The following FBXO31 variants were observed in gnomAD, a reference collection of about 807,000 sequenced individuals.
The protein encoded by FBXO31 is F-box only protein 31.
In FBXO31, 24 loss-of-function variants were observed where a neutral mutation model predicts 54.4. That is an observed-to-expected ratio of 0.44 (90% confidence interval 0.32 to 0.62). The LOEUF is 0.62. Among genes scored for constraint, FBXO31 ranks in the 20% least tolerant of loss-of-function variants. FBXO31 has a pLI of 0.05. For synonymous variants in FBXO31, 388 were observed against 335.6 expected, an observed-to-expected ratio of 1.16 and a Z score of -1.71; for missense variants, 665 against 787.1, an observed-to-expected ratio of 0.84 and a Z score of 1.86.
chr16:87,358,130 A>T lies in FBXO31; in HGVS notation c.412+2165T>A, dbSNP rs1191503967. Among the ~76,000 whole-genome samples the T allele has an allele frequency of 1.3e-5, 2 of 152,234 alleles. No individual in the cohort carries two copies. The highest frequency in any genetic ancestry group is 6.5e-5 in the Admixed American group (1 of 15,288). The stretch of plus-strand genomic sequence containing the variant: ...GCAGTAGCTCCTCAATAAACGATAC[A>T]TGTGAAAATGTGCATTAAAGTGATC... On this transcript the variant is annotated intron_variant, in intron 2 of 8. Coordinates refer to ENST00000311635, the MANE Select transcript of FBXO31 (RefSeq NM_024735.5). This position sits in a 1 kb window ranked among gnomAD's most constrained non-coding sequence, Gnocchi z 4.0.
In FBXO31 at chr16:87,327,057, G is replaced by C. The variant is rs1904669488; in HGVS notation, c.*4231C>G. 1 of 152,352 alleles carries C rather than the reference G, an allele frequency of 6.6e-6. No homozygotes were observed. The highest frequency in any genetic ancestry group is 2.4e-5 in the African/African-American group (1 of 41,480). 9.4% of individuals were successfully genotyped at this position (152,352 alleles called of 1,614,324 possible). ...GCACGGGTGCAGGTGGCGGCTGCCA[G>C]GATTGCTCCGGTCCTACCTAGTGGG... On this transcript the variant is annotated 3_prime_UTR_variant, in exon 9 of 9. Coordinates refer to ENST00000311635, the MANE Select transcript of FBXO31 (RefSeq NM_024735.5).
Position 87,336,876 on chromosome 16 carries a change from T to C in FBXO31, c.733-612A>G, listed in dbSNP as rs1905059319. 6.6e-6 allele frequency among the ~76,000 whole-genome samples: 1 copy of C among 152,234 alleles called. No individual in the cohort carries two copies. Among genetic ancestry groups the C allele is most frequent in the South Asian group, 2.1e-4 (1 of 4,834 alleles). ...GCCATCACATGGTGCTGAGGATATT[T>C]CGTGCTTAATGGTTTGATTCTACAC... On this transcript the variant is annotated intron_variant, in intron 5 of 8. Transcript: ENST00000311635. The surrounding 1 kb of genome is among the most constrained non-coding windows in gnomAD (Gnocchi z 6.5).
chr16:87,363,005 A>G (rs1171896897), intron 1 of FBXO31, among the ~76,000 whole-genome samples: 4 of 152,218 alleles, frequency 2.6e-5, no homozygotes, highest in African/African-American at 9.6e-5. Context: ...TGCAGCATGA[A>G]GCAGCCCAAG....
At chr16:87,342,826 G>T (rs767316746) in intron 5 of FBXO31, 51 bp downstream of exon 5, 11 of 1,500,496 alleles carry the variant, frequency 7.3e-6, no homozygotes, top group Non-Finnish European at 9.0e-6. Context: ...TTCCCCGTGG[G>T]GAAAGGAAAG....
intron 2 of FBXO31, among the ~76,000 whole-genome samples, chr16:87,348,865 G>A (rs548667640): frequency 2.0e-5 from 3 of 152,334 alleles, no homozygotes; most frequent in Non-Finnish European, 2.9e-5. Flanking sequence ...CCTGGATCCC[G>A]CAGAACAACT....
chr16:87,390,572 C>G (rs189890362), upstream of FBXO31, among the ~76,000 whole-genome samples: 856 of 151,642 alleles, frequency 5.6e-3, 4 homozygotes, highest in Non-Finnish European at 7.7e-3. Context: ...TCCCGAGTAG[C>G]TGGGATTACA....
At chr16:87,340,730 G>GT (rs1473133630) in intron 5 of FBXO31, among the ~76,000 whole-genome samples, 1 of 152,202 alleles carries the variant, frequency 6.6e-6, no homozygotes, top group Non-Finnish European at 1.5e-5. Flanking sequence ...GGCCAAGGCG[G>GT]TAAGATCACT....
rs974387430 is a variant in FBXO31, at chr16:87,338,563, C to T, written c.733-2299G>A. On this transcript the variant is annotated intron_variant, in intron 5 of 8. Transcript: ENST00000311635. The surrounding 1 kb of genome is among the most constrained non-coding windows in gnomAD (Gnocchi z 4.3). ...AGAAAAGGCCAGGTCTGGGTGGGCC[C>T]GAGCGTCCCATTTCTCACAAGGACC... 2.6e-5 allele frequency among the ~76,000 whole-genome samples: 4 copies of T among 152,132 alleles called. No homozygotes were observed. The highest frequency in any genetic ancestry group is 9.7e-5 in the African/African-American group (4 of 41,432).
At chr16:87,352,769 T>C (rs11117267) in intron 2 of FBXO31, among the ~76,000 whole-genome samples, 71,452 of 152,178 alleles carry the variant, frequency 0.47, 18,964 homozygotes, top group East Asian at 1. Flanking sequence ...GGCATCTATC[T>C]GCCCTGGGAG....
Position 87,345,791 on chromosome 16 carries a change from C to A in FBXO31, c.489+1383G>T, listed in dbSNP as rs546251863. Among the ~76,000 whole-genome samples, 324 of 152,328 alleles carry A rather than the reference C, an allele frequency of 2.1e-3. No homozygotes were observed. The highest frequency in any genetic ancestry group is 7.0e-3 in the African/African-American group (290 of 41,566). ...AGGCGAGGGGCAGGGCCTTCTCCCC[C>A]CTTCCTGAGGCCACTGACCACTGGC... On this transcript the variant is annotated intron_variant, in intron 3 of 8. Transcript: ENST00000311635. This position sits in a 1 kb window ranked among gnomAD's most constrained non-coding sequence, Gnocchi z 4.9.
chr16:87,382,493 A>G (rs1026482935), intron 1 of FBXO31, among the ~76,000 whole-genome samples: 1 of 152,166 alleles, frequency 6.6e-6, no homozygotes, highest in Admixed American at 6.5e-5. Context: ...CAGATTAAAT[A>G]AACATCTCCT....
At chr16:87,343,060 AC>A in intron 4 of FBXO31, 109 bp from the exon 5 acceptor site, 1 of 878,212 alleles carries the variant, frequency 1.1e-6, no homozygotes. Context: ...CACCCACCAA[AC>A]CCCACTGCAG....
chr16:87,377,490 T>A (rs575761461), intron 1 of FBXO31, among the ~76,000 whole-genome samples: 377 of 151,986 alleles, frequency 2.5e-3, no homozygotes, highest in Admixed American at 3.9e-3. Context: ...ATAAATGAAG[T>A]TGAAAAGCAA....
chr16:87,333,401 G>A (rs964650580), intron 8 of FBXO31, among the ~76,000 whole-genome samples: 3 of 152,176 alleles, frequency 2.0e-5, no homozygotes, highest in Non-Finnish European at 4.4e-5. Context: ...TCTGAACCAC[G>A]CACCGGGAGA....
At chr16:87,360,204 G>C (rs1256797298) in intron 2 of FBXO31, 91 bp downstream of exon 2, 1 of 1,227,298 alleles carries the variant, frequency 8.1e-7, no homozygotes. Context: ...CAAAAGTGTG[G>C]ACTAAATCAC....
rs571652414 is a variant in FBXO31 at position 87,375,744 on chromosome 16, G to C, written c.340+7661C>G. Reference sequence around the variant, plus strand: ...CCACCCTGCCAGGCCCTGCAGGCTGGAGTGAGTTTGGTTTTGTTTCCTATC... The same window carrying C: ...CCACCCTGCCAGGCCCTGCAGGCTGCAGTGAGTTTGGTTTTGTTTCCTATC... On this transcript the variant is annotated intron_variant, in intron 1 of 8. Transcript: ENST00000311635. Among the ~76,000 whole-genome samples the C allele has an allele frequency of 2.6e-5, 4 of 152,274 alleles. No homozygotes were observed. The East Asian group carries it at 7.7e-4, about 29-fold the overall frequency.
At position 87,345,389 on chromosome 16, in the gene FBXO31, C is replaced by G. The variant is rs1041510975; in HGVS notation, c.490-1624G>C. ...GTGGGAGGGCGGACCGGAAGCCATGCAGACTCCATGCAGACACTGGCACCA... is the reference window on the plus strand; with the variant it reads ...GTGGGAGGGCGGACCGGAAGCCATGGAGACTCCATGCAGACACTGGCACCA... On this transcript the variant is annotated intron_variant, in intron 3 of 8. Coordinates refer to ENST00000311635, the MANE Select transcript of FBXO31 (RefSeq NM_024735.5). This position sits in a 1 kb window ranked among gnomAD's most constrained non-coding sequence, Gnocchi z 4.9. Among the ~76,000 whole-genome samples the G allele has an allele frequency of 6.6e-6, 1 of 151,998 alleles. No individual in the cohort carries two copies. The highest frequency in any genetic ancestry group is 2.4e-5 in the African/African-American group (1 of 41,382).
At chr16:87,363,536 A>G (rs1201174009) in intron 1 of FBXO31, among the ~76,000 whole-genome samples, 7 of 152,234 alleles carry the variant, frequency 4.6e-5, no homozygotes, top group Non-Finnish European at 5.9e-5. Context: ...TTTGTCAATG[A>G]TAGAATAATA....
At chr16:87,357,421 C>T (rs1407561152) in intron 2 of FBXO31, among the ~76,000 whole-genome samples, 3 of 151,384 alleles carry the variant, frequency 2.0e-5, no homozygotes, top group Non-Finnish European at 2.9e-5. Context: ...CCTTCACCTC[C>T]CGGGTTCAAG....
Sources: allele counts gnomAD v4.1 joint callset (sites outside exome capture counted in the v4.1 genomes callset), GRCh38; gene constraint gnomAD v4.1.1; non-coding constraint Gnocchi (gnomAD v3.1); transcripts MANE v1.5; gene names NCBI Gene and HGNC (gene_info 2026-07-23, HGNC 2026-07-21).